The following PTDSS2 variants were observed in gnomAD, a reference collection of about 807,000 sequenced individuals.
The protein encoded by PTDSS2 is phosphatidylserine synthase 2.
In PTDSS2, 41 loss-of-function variants were observed where a neutral mutation model predicts 64.7. The ratio of observed to expected loss-of-function variants is 0.63; its 90% CI spans 0.49 to 0.82. The LOEUF (loss-of-function observed/expected upper bound fraction) is 0.82, where lower values mean the gene tolerates loss of function less well. Ranked by LOEUF, PTDSS2 falls within the 40% of genes least tolerant of loss-of-function variation. The pLI, the probability that PTDSS2 is intolerant of heterozygous loss-of-function variation, is 0.00. For synonymous variants in PTDSS2, 297 were observed against 277.8 expected (o/e 1.07, Z -0.69); for missense variants, 485 against 650.0 (o/e 0.75, Z 2.76).
At chr11:451,934 T>C (rs1846348622) in intron 1 of PTDSS2, among the ~76,000 whole-genome samples, 1 of 152,074 alleles carries the variant, frequency 6.6e-6, no homozygotes, top group East Asian at 1.9e-4. Flanking sequence ...GGAGAGGAGA[T>C]GGGGTGCCTG....
chr11:449,922 C>T (rs200540011), upstream of PTDSS2, among the ~76,000 whole-genome samples: 2 of 152,278 alleles, frequency 1.3e-5, no homozygotes, highest in South Asian at 4.1e-4. Flanking sequence ...CACTCCAGCT[C>T]GGGCGGCAGT....
At chr11:467,572 A>G (rs979969209) in intron 2 of PTDSS2, among the ~76,000 whole-genome samples, 2 of 152,054 alleles carry the variant, frequency 1.3e-5, no homozygotes, top group Non-Finnish European at 2.9e-5. Flanking sequence ...CCTAGCCAAC[A>G]TAGTGAAACC....
intron 4 of PTDSS2, among the ~76,000 whole-genome samples, chr11:484,556 G>A (rs1162075129): frequency 6.7e-6 from 1 of 148,590 alleles, no homozygotes; most frequent in Non-Finnish European, 1.5e-5. Flanking sequence ...GCACGGGCGC[G>A]TGTGTGCTCA....
At chr11:488,103 A>C in intron 6 of PTDSS2, 96 bp from the exon 7 acceptor site, 1 of 887,146 alleles carries the variant, frequency 1.1e-6, no homozygotes, top group Non-Finnish European at 1.8e-6. Flanking sequence ...GGCGTCCCAT[A>C]CTCTGGCTGC....
At chr11:489,851 C>T (rs1368395216) in intron 10 of PTDSS2, 32 bp from the exon 11 acceptor site, 3 of 1,553,432 alleles carry the variant, frequency 1.9e-6, no homozygotes, top group Non-Finnish European at 2.6e-6. Context: ...CCTGCGGGGC[C>T]CGGGACGCTG....
In PTDSS2 at chr11:490,803, TGTGTAC is replaced by T; in HGVS notation, c.*223_*228del. On this transcript the variant is annotated 3_prime_UTR_variant, in exon 12 of 12. Transcript: ENST00000308020. Reference sequence around the variant, plus strand: ...ACGTGTGTATGCGTGTGTGTACGCGTGTGTACGCGCGTGTGTACACATGCGTGGCCG... The same window carrying T: ...ACGTGTGTATGCGTGTGTGTACGCGTGCGCGTGTGTACACATGCGTGGCCG... 1.7e-6 allele frequency: 1 copy of T among 577,672 alleles called. No homozygotes were observed. Among genetic ancestry groups the T allele is most frequent in the African/African-American group, 1.9e-5 (1 of 51,950 alleles). The allele number at this position is 577,672 out of a possible 1,614,324, so 35.8% of individuals were successfully genotyped here.
intron 1 of PTDSS2, chr11:451,455 G>C: frequency 2.3e-6 from 1 of 436,764 alleles, no homozygotes; most frequent in Non-Finnish European, 4.7e-6. Context: ...CTGAAAGCAG[G>C]CTTCGTGAGA....
chr11:449,529 A>G (rs545410657), upstream of PTDSS2, among the ~76,000 whole-genome samples: 7 of 152,326 alleles, frequency 4.6e-5, no homozygotes, highest in East Asian at 1.3e-3. Context: ...GAGCTGCCAC[A>G]TTGCTTTTCA....
In PTDSS2 at chr11:462,234, G is replaced by C. The variant is rs545895550; in HGVS notation, c.284+1946G>C. ...GGTGACCCAGACCCAGAGGGGCCAGGAGCTTAGACCCCTGAGGGGGCAGCA... is the reference window on the plus strand; with the variant it reads ...GGTGACCCAGACCCAGAGGGGCCAGCAGCTTAGACCCCTGAGGGGGCAGCA... On this transcript the variant is annotated intron_variant, in intron 2 of 11. Transcript: ENST00000308020. The surrounding 1 kb of genome is among the most constrained non-coding windows in gnomAD (Gnocchi z 4.5). Among the ~76,000 whole-genome samples the C allele has an allele frequency of 2.6e-5, 4 of 152,292 alleles. No individual in the cohort carries two copies. The East Asian group carries it at 7.7e-4, about 29-fold the overall frequency.
intron 1 of PTDSS2, among the ~76,000 whole-genome samples, chr11:458,209 TC>T (rs1273295625): frequency 1.3e-5 from 2 of 148,834 alleles, no homozygotes; most frequent in South Asian, 2.1e-4. Flanking sequence ...GTATTTTTTT[TC>T]TTTTTTTTTT....
intron 10 of PTDSS2, 31 bp downstream of exon 10, chr11:489,764 C>G (rs746252958): frequency 4.6e-5 from 73 of 1,597,138 alleles, no homozygotes; most frequent in Non-Finnish European, 6.0e-5. Context: ...GGTGGAGACA[C>G]CCCCGGGGGG....
At chr11:488,388 C>G in intron 7 of PTDSS2, 76 bp downstream of exon 7, 1 of 1,366,724 alleles carries the variant, frequency 7.3e-7, no homozygotes, top group Non-Finnish European at 1.0e-6. Flanking sequence ...CCCAGCGCGG[C>G]CCCTGGACCC....
chr11:465,663 G>T (rs1847106633), intron 2 of PTDSS2, among the ~76,000 whole-genome samples: 1 of 152,110 alleles, frequency 6.6e-6, no homozygotes, highest in South Asian at 2.1e-4. Flanking sequence ...GGTGGTTCAT[G>T]CCCTTAATCC....
rs886641619 is a variant in PTDSS2, at chr11:470,101, C to A, written c.285-3794C>A. ...CATTCCAGGAGCTGGCGTGAGCTCC[C>A]GGCACCGCTGTGCGCTGCGCGTGGT... is the stretch of plus-strand genomic sequence containing the variant. On this transcript the variant is annotated intron_variant, in intron 2 of 11. Transcript: ENST00000308020. The surrounding 1 kb of genome is among the most constrained non-coding windows in gnomAD (Gnocchi z 5.3). 6.6e-6 allele frequency among the ~76,000 whole-genome samples: 1 copy of A among 152,204 alleles called. No individual in the cohort carries two copies. The highest frequency in any genetic ancestry group is 1.5e-5 in the Non-Finnish European group (1 of 68,038).
intron 6 of PTDSS2, 135 bp from the exon 7 acceptor site, chr11:488,064 C>G: frequency 1.6e-6 from 1 of 621,282 alleles, no homozygotes; most frequent in Non-Finnish European, 2.8e-6. Context: ...GGGGGCTGCA[C>G]GCACCCGTGG....
At chr11:451,270 C>A (rs1846314533) in intron 1 of PTDSS2, 2 of 384,940 alleles carry the variant, frequency 5.2e-6, no homozygotes, top group Admixed American at 5.4e-5. Flanking sequence ...TTGGGGTCCC[C>A]CTGTCCGCCA....
At chr11:473,706 G>C (rs979307337) in intron 2 of PTDSS2, among the ~76,000 whole-genome samples, 189 bp from the exon 3 acceptor site, 1 of 151,448 alleles carries the variant, frequency 6.6e-6, no homozygotes, top group Non-Finnish European at 1.5e-5. Flanking sequence ...GCGAATGTCC[G>C]GCCCAGGGTG....
intron 4 of PTDSS2, among the ~76,000 whole-genome samples, chr11:484,779 TGTGCG>T: frequency 1.5e-5 from 2 of 135,150 alleles, no homozygotes; most frequent in Middle Eastern, 4.1e-3. Flanking sequence ...GTGTGTGTGC[TGTGCG>T]CAGGCGAGTG....
At chr11:490,281 G>A in intron 11 of PTDSS2, 139 bp from the exon 12 acceptor site, 1 of 1,286,504 alleles carries the variant, frequency 7.8e-7, no homozygotes, top group Non-Finnish European at 1.1e-6. Flanking sequence ...GTCTGCCACG[G>A]CTGCCGTCCC....
Sources: gnomAD v4.1 joint callset for allele counts (sites outside exome capture counted in the v4.1 genomes callset) on GRCh38, gnomAD v4.1.1 for gene constraint, Gnocchi (gnomAD v3.1) non-coding constraint, MANE v1.5 for transcripts, NCBI Gene and HGNC (gene_info 2026-07-23, HGNC 2026-07-21) for gene names.